PCDH11X: variants seen among roughly 807,000 people sequenced by gnomAD.
PCDH11X encodes protocadherin 11 X-linked.
In PCDH11X, 18 loss-of-function variants were observed where a neutral mutation model predicts 53.3. The observed-to-expected ratio is 0.34, with a 90% confidence interval of 0.23 to 0.50. The LOEUF (loss-of-function observed/expected upper bound fraction) is 0.50, where lower values mean the gene tolerates loss of function less well. Among genes scored for constraint, PCDH11X ranks in the 20% least tolerant of loss-of-function variants. The pLI is 0.98. For missense variants in PCDH11X, 570 were observed against 1,032.4 expected, an observed-to-expected ratio of 0.55 and a Z score of 6.14; for synonymous variants, 279 against 393.3, an observed-to-expected ratio of 0.71 and a Z score of 3.44.
chrX:91,957,980 C>T (rs1464696748), intron 6 of PCDH11X, among the ~76,000 whole-genome samples: 1 of 109,869 alleles, frequency 9.1e-6, no homozygotes, highest in Non-Finnish European at 1.9e-5. Context: ...CTGGAGCCCC[C>T]TCAGAGAGGT....
intron 6 of PCDH11X, among the ~76,000 whole-genome samples, chrX:91,969,897 G>C (rs753154426): frequency 9.1e-6 from 1 of 110,486 alleles, no homozygotes. Flanking sequence ...TCCTGATTCT[G>C]CCAGTTCTTT....
chrX:92,452,042 T>C (rs183125667), intron 9 of PCDH11X, among the ~76,000 whole-genome samples: 3,386 of 109,186 alleles, frequency 0.031, 71 homozygotes, highest in Middle Eastern at 0.064. Flanking sequence ...TGAATTCTAT[T>C]GTATATTAAT....
In PCDH11X at chrX:91,905,134, G is replaced by A. The variant is rs868329390; in HGVS notation, c.3033+25861G>A. On this transcript the variant is annotated intron_variant, in intron 6 of 10. Transcript: ENST00000682573. ...TATTATTATTATTATTATTATTATT[G>A]TTATTATTATTTTGAGATGGAGTCT... Among the ~76,000 whole-genome samples, 5 of 83,772 alleles carry A rather than the reference G, an allele frequency of 6.0e-5. No homozygotes were observed. The East Asian group carries it at 1.2e-3, about 20-fold the overall frequency. The allele number at this position is 83,772 out of a possible 115,157, so 72.7% of individuals were successfully genotyped here.
chrX:92,002,182 G>A (rs2062521987), intron 6 of PCDH11X, among the ~76,000 whole-genome samples: 1 of 110,511 alleles, frequency 9.0e-6, no homozygotes, highest in East Asian at 2.8e-4. Context: ...ATATGTTCTT[G>A]GAACCTTTGT....
intron 7 of PCDH11X, among the ~76,000 whole-genome samples, chrX:92,206,534 AT>A (rs755421834): frequency 3.7e-5 from 4 of 108,996 alleles, no homozygotes; most frequent in Admixed American, 2.0e-4. Context: ...ATTTAATTTT[AT>A]TTTTTTTTGA....
At chrX:92,487,047 CCTTT>C (rs2073656132) in intron 10 of PCDH11X, among the ~76,000 whole-genome samples, 1 of 84,250 alleles carries the variant, frequency 1.2e-5, no homozygotes, top group Non-Finnish European at 2.2e-5. Context: ...AAATATGCTT[CCTTT>C]TTTTTTTTTT....
Position 91,796,356 on chromosome X carries a change from C to T in PCDH11X, c.-378-13110C>T, listed in dbSNP as rs187518169. Among the ~76,000 whole-genome samples the T allele has an allele frequency of 3.3e-3, 371 of 110,821 alleles. 1 individual carries two copies. Among genetic ancestry groups the T allele is most frequent in the African/African-American group, 0.012 (353 of 30,580 alleles). ...AAATTCTTTTAAGAAATAATTTGAACGTCTTTAATTTTCAGAGAAAATTTT... is the reference window on the plus strand; with the variant it reads ...AAATTCTTTTAAGAAATAATTTGAATGTCTTTAATTTTCAGAGAAAATTTT... On this transcript the variant is annotated intron_variant, in intron 1 of 10. Coordinates refer to ENST00000682573, the MANE Select transcript of PCDH11X (RefSeq NM_032968.5).
chrX:92,077,912 A>G (rs2063799933), intron 6 of PCDH11X, among the ~76,000 whole-genome samples: 1 of 110,493 alleles, frequency 9.1e-6, no homozygotes, highest in Admixed American at 9.7e-5. Context: ...TATAGTAATG[A>G]AAAAGGTTAA....
chrX:92,199,305 T>A (rs2066350131), intron 6 of PCDH11X, among the ~76,000 whole-genome samples: 1 of 112,170 alleles, frequency 8.9e-6, no homozygotes, highest in Non-Finnish European at 1.9e-5. Context: ...TTTTTGGCAC[T>A]GAGCACTATC....
intron 6 of PCDH11X, among the ~76,000 whole-genome samples, chrX:92,131,339 GAAAAT>G (rs1480313285): frequency 1.8e-5 from 2 of 111,542 alleles, no homozygotes; most frequent in Non-Finnish European, 3.8e-5. Context: ...GATAGAAAAA[GAAAAT>G]AAATGTTAAG....
At chrX:92,546,444 A>G (rs1339608023) in intron 10 of PCDH11X, among the ~76,000 whole-genome samples, 1 of 111,401 alleles carries the variant, frequency 9.0e-6, no homozygotes, top group Non-Finnish European at 1.9e-5. Flanking sequence ...CTCTGTATAT[A>G]TAACACTTTT....
intron 6 of PCDH11X, among the ~76,000 whole-genome samples, chrX:91,941,960 G>A (rs1378730020): frequency 9.1e-6 from 1 of 110,185 alleles, no homozygotes; most frequent in Non-Finnish European, 1.9e-5. Context: ...TAAATTATTG[G>A]TACCAAAATA....
intron 1 of PCDH11X, among the ~76,000 whole-genome samples, chrX:91,790,729 A>G (rs1476062392): frequency 9.0e-6 from 1 of 111,187 alleles, no homozygotes; most frequent in Non-Finnish European, 1.9e-5. Context: ...AATCTAAGTG[A>G]AACTTTCATT....
intron 7 of PCDH11X, among the ~76,000 whole-genome samples, chrX:92,237,763 C>G (rs1190454138): frequency 9.0e-6 from 1 of 111,257 alleles, no homozygotes; most frequent in African/African-American, 3.3e-5. Context: ...GGTTGTTTCC[C>G]TTGGTTTCTG....
intron 6 of PCDH11X, among the ~76,000 whole-genome samples, chrX:91,886,506 C>T (rs12840283): frequency 1.8e-5 from 2 of 110,333 alleles, no homozygotes; most frequent in African/African-American, 6.6e-5. Flanking sequence ...TTTAATTATG[C>T]AAGTTTATTT....
chrX:92,213,852 TAATA>T (rs2066636812), intron 7 of PCDH11X, among the ~76,000 whole-genome samples: 1 of 110,202 alleles, frequency 9.1e-6, no homozygotes, highest in Admixed American at 9.8e-5. Context: ...TTCAACATAA[TAATA>T]AATCAAATGA....
At chrX:92,290,393 T>G (rs1183366898) in intron 8 of PCDH11X, among the ~76,000 whole-genome samples, 2 of 111,541 alleles carry the variant, frequency 1.8e-5, no homozygotes, top group Admixed American at 1.9e-4. Flanking sequence ...ACTTTTAACA[T>G]TTGGCTCCAC....
intron 6 of PCDH11X, among the ~76,000 whole-genome samples, chrX:92,087,896 G>A (rs1230115376): frequency 1.2e-4 from 13 of 106,560 alleles, no homozygotes; most frequent in African/African-American, 3.7e-4. Context: ...TACTTAGTTT[G>A]AAAATTGCTT....
rs1303911996 is a variant in PCDH11X, at chrX:92,621,524, G to A, written c.*2584G>A. 1 of 110,335 alleles carries A rather than the reference G, an allele frequency of 9.1e-6. No homozygotes were observed. The highest frequency in any genetic ancestry group is 1.9e-5 in the Non-Finnish European group (1 of 52,827). The allele number at this position is 110,335 out of a possible 1,213,427, so 9.1% of individuals were successfully genotyped here. On this transcript the variant is annotated 3_prime_UTR_variant, in exon 11 of 11. Transcript: ENST00000682573. ...GAGGCTTTGAATGGAAGCAGGCTGA[G>A]AGTAGCCAAAGAGGCAAGGGGTATT... is the stretch of plus-strand genomic sequence containing the variant.
Sources: gnomAD v4.1 joint callset for allele counts (sites outside exome capture counted in the v4.1 genomes callset) on GRCh38, gnomAD v4.1.1 for gene constraint, MANE v1.5 for transcripts, NCBI Gene and HGNC (gene_info 2026-07-23, HGNC 2026-07-21) for gene names.